The following SIDT1 variants were observed in gnomAD, a reference collection of about 807,000 sequenced individuals.
SIDT1 encodes the protein SID1 transmembrane family, member 1.
SIDT1 carries 101 observed loss-of-function variants against 107.5 expected under a neutral mutation model. The observed-to-expected ratio is 0.94, with a 90% CI of 0.80 to 1.11. The LOEUF is 1.11. Ranked by LOEUF, SIDT1 falls within the 50% of genes least tolerant of loss-of-function variation. The pLI, the probability that SIDT1 is intolerant of heterozygous loss-of-function variation, is 0.00. For synonymous variants in SIDT1, 395 were observed against 398.2 expected, an observed-to-expected ratio of 0.99 and a Z score of 0.10; for missense variants, 1,076 against 1,058.2, an observed-to-expected ratio of 1.02 and a Z score of -0.23.
In SIDT1 at chr3:113,567,565, G is replaced by A; in HGVS notation, c.370G>A (p.Glu124Lys). The A allele has an allele frequency of 6.2e-7, 1 of 1,613,700 alleles. No individual in the cohort carries two copies. The highest frequency in any genetic ancestry group is 8.5e-7 in the Non-Finnish European group (1 of 1,179,872). Residue 124 changes from glutamate to lysine, a missense_variant, in exon 3 of 25, where the codon GAA becomes AAA. By Grantham distance (56) the Glu-to-Lys change is moderately conservative. Coordinates refer to ENST00000264852, the MANE Select transcript of SIDT1 (RefSeq NM_017699.3). ...ATACCAGAGGAGCTACAACTATCAA[G>A]AAGTGAGCCGCACCTTATGTCCCTC... Reference protein sequence around the residue: ...GLYQRSYNYQEVSRTLCPSEA... With the variant: ...GLYQRSYNYQKVSRTLCPSEA...
chr3:113,580,473 G>A (rs905997890), intron 4 of SIDT1, 135 bp from the exon 5 acceptor site: 6 of 636,822 alleles, frequency 9.4e-6, no homozygotes, highest in Non-Finnish European at 5.7e-6. Flanking sequence ...TTCTCAATAT[G>A]TATGAGATGA....
At chr3:113,575,514 T>C (rs2107464559) in intron 3 of SIDT1, among the ~76,000 whole-genome samples, 1 of 152,358 alleles carries the variant, frequency 6.6e-6, no homozygotes, top group South Asian at 2.1e-4. Flanking sequence ...TTAGCTTCTT[T>C]AGGCGACTTA....
intron 14 of SIDT1, among the ~76,000 whole-genome samples, chr3:113,606,013 A>G (rs886990544): frequency 8.9e-6 from 1 of 111,964 alleles, no homozygotes; most frequent in African/African-American, 3.3e-5. Context: ...TCAAGAACAA[A>G]AAAAGGAAAA....
intron 23 of SIDT1, among the ~76,000 whole-genome samples, chr3:113,625,043 A>T (rs1220607400): frequency 1.3e-5 from 2 of 151,958 alleles, no homozygotes; most frequent in East Asian, 3.9e-4. Context: ...GAGTGCAGAT[A>T]ACTCTTTGAC....
chr3:113,626,580 C>T (rs1360868559), intron 24 of SIDT1, among the ~76,000 whole-genome samples: 2 of 151,068 alleles, frequency 1.3e-5, no homozygotes, highest in Non-Finnish European at 3.0e-5. Context: ...TACTCACATT[C>T]CTCCTCCTCC....
chr3:113,585,307 G>A (rs765193624), intron 9 of SIDT1, 37 bp downstream of exon 9: 14 of 1,455,442 alleles, frequency 9.6e-6, no homozygotes, highest in Non-Finnish European at 1.4e-5. Context: ...AATTCCCTGT[G>A]CCTGTCTCTG....
At chr3:113,605,874 C>T (rs540230328) in intron 14 of SIDT1, among the ~76,000 whole-genome samples, 40 of 152,036 alleles carry the variant, frequency 2.6e-4, no homozygotes, top group Non-Finnish European at 4.7e-4. Flanking sequence ...AGTGGTGGCA[C>T]ACACCTGTGG....
chr3:113,552,295 G>C (rs943814707), intron 1 of SIDT1, among the ~76,000 whole-genome samples: 3 of 152,112 alleles, frequency 2.0e-5, no homozygotes, highest in Non-Finnish European at 4.4e-5. Context: ...GTTAACAAAG[G>C]GATAAGCATT....
At position 113,581,413 on chromosome 3, in the gene SIDT1, C is replaced by G; in HGVS notation, c.716C>G (p.Ser239Cys). 1 of 1,614,058 alleles carries G rather than the reference C, an allele frequency of 6.2e-7. No homozygotes were observed. The highest frequency in any genetic ancestry group is 8.5e-7 in the Non-Finnish European group (1 of 1,179,934). Reference protein sequence around the residue: ...HNVEFNGVYQSMTKKAAITLQ... With the variant: ...HNVEFNGVYQCMTKKAAITLQ... ...GTGGAATTTAATGGTGTCTATCAGT[C>G]CATGACCAAGAAAGCTGCCATCACG... Residue 239 changes from serine (S) to cysteine (C), a missense_variant, in exon 6 of 25, where the codon TCC (serine) becomes TGC (cysteine). By Grantham distance (112) the Ser-to-Cys change is moderately radical. Transcript: ENST00000264852.
chr3:113,620,489 G>A (rs529968780), intron 21 of SIDT1, among the ~76,000 whole-genome samples: 36 of 143,806 alleles, frequency 2.5e-4, no homozygotes, highest in African/African-American at 9.2e-4. Context: ...CTCAGGGTCA[G>A]TGGCCTGTGA....
intron 1 of SIDT1, among the ~76,000 whole-genome samples, chr3:113,538,234 A>C (rs1938414583): frequency 6.6e-6 from 1 of 152,224 alleles, no homozygotes; most frequent in Non-Finnish European, 1.5e-5. Context: ...ATCCGTAGCA[A>C]TCACCTCCTA....
Position 113,541,137 on chromosome 3 carries a change from C to T in SIDT1, c.222+7894C>T, listed in dbSNP as rs1382016964. ...ATATATATATATATATATATATACA[C>T]ACACATACACACACACACACACACA... On this transcript the variant is annotated intron_variant, in intron 1 of 24. Coordinates refer to ENST00000264852, the MANE Select transcript of SIDT1 (RefSeq NM_017699.3). Among the ~76,000 whole-genome samples, 808 of 131,634 alleles carry T rather than the reference C, an allele frequency of 6.1e-3. 10 individuals are homozygous for T. The highest frequency in any genetic ancestry group is 0.027 in the African/African-American group (762 of 28,428). The allele number at this position is 131,634 out of a possible 152,430, so 86.4% of individuals were successfully genotyped here.
chr3:113,559,605 C>T (rs576231872), intron 1 of SIDT1, among the ~76,000 whole-genome samples: 2 of 152,094 alleles, frequency 1.3e-5, no homozygotes, highest in East Asian at 3.9e-4. Context: ...CTACACCCAG[C>T]TAATTTTTGT....
chr3:113,582,933 G>A (rs1943471790), intron 6 of SIDT1, among the ~76,000 whole-genome samples: 1 of 151,966 alleles, frequency 6.6e-6, no homozygotes, highest in African/African-American at 2.4e-5. Context: ...ATGAGGAAAT[G>A]GGCACATAGA....
At chr3:113,588,749 C>T (rs541717575) in intron 9 of SIDT1, 2 of 151,718 alleles carry the variant, frequency 1.3e-5, no homozygotes, top group Non-Finnish European at 2.9e-5. Flanking sequence ...CTGCCCAATC[C>T]AGAATACTCA....
chr3:113,623,507 A>G lies in SIDT1; in HGVS notation c.2171A>G (p.Tyr724Cys), dbSNP rs755133169. ...LGIFICNLLL[Y>C]LAFYIIMKLR... ...ATCTTCATCTGTAACCTTTTGCTGTACCTGGCCTTTTACATCATCATGAAG... is the reference window on the plus strand; with the variant it reads ...ATCTTCATCTGTAACCTTTTGCTGTGCCTGGCCTTTTACATCATCATGAAG... Residue 724 changes from tyrosine (Y) to cysteine (C), a missense_variant, in exon 22 of 25, where the codon TAC becomes TGC. Physicochemically the swap from Tyr to Cys is radical, Grantham distance 194 (BLOSUM62 -2). Transcript: ENST00000264852. The G allele has an allele frequency of 6.2e-7, 1 of 1,613,800 alleles. No homozygotes were observed. The highest frequency in any genetic ancestry group is 1.3e-5 in the African/African-American group (1 of 74,888).
the SIDT1 span, among the ~76,000 whole-genome samples, chr3:113,635,816 G>A: frequency 1.4e-4 from 21 of 151,278 alleles, no homozygotes; most frequent in Admixed American, 7.2e-4. Flanking sequence ...GCAGTGAGCC[G>A]AGATCGTACT....
At chr3:113,591,360 T>C (rs1453992028) in intron 9 of SIDT1, among the ~76,000 whole-genome samples, 1 of 152,170 alleles carries the variant, frequency 6.6e-6, no homozygotes, top group Non-Finnish European at 1.5e-5. Flanking sequence ...TGACAATAGT[T>C]CCCAAATTAA....
At chr3:113,561,855 T>C (rs1230858572) in intron 1 of SIDT1, among the ~76,000 whole-genome samples, 1 of 152,132 alleles carries the variant, frequency 6.6e-6, no homozygotes, top group African/African-American at 2.4e-5. Flanking sequence ...CCATCTGACA[T>C]TAAGTACTTA....
Sources: allele counts gnomAD v4.1 joint callset (sites outside exome capture counted in the v4.1 genomes callset), GRCh38; gene constraint gnomAD v4.1.1; transcripts MANE v1.5; gene names NCBI Gene and HGNC (gene_info 2026-07-23, HGNC 2026-07-21).